The following FUT8 variants were observed in gnomAD, a reference collection of about 807,000 sequenced individuals.
FUT8 encodes alpha-(1,6)-fucosyltransferase.
A neutral mutation model predicts 71.3 loss-of-function variants in FUT8; 29 were observed. That is an observed-to-expected ratio of 0.41 (90% CI 0.30 to 0.55). The LOEUF (loss-of-function observed/expected upper bound fraction) is 0.55, where lower values mean the gene tolerates loss of function less well. Ranked by LOEUF, FUT8 falls within the 20% of genes least tolerant of loss-of-function variation. FUT8 has a pLI of 0.34. For synonymous variants in FUT8, 254 were observed against 239.3 expected (o/e 1.06, Z -0.57); for missense variants, 544 against 702.1 (o/e 0.77, Z 2.55).
chr14:65,537,438 A>G (rs1182672118), intron 2 of FUT8, among the ~76,000 whole-genome samples: 1 of 152,040 alleles, frequency 6.6e-6, no homozygotes, highest in Admixed American at 6.6e-5. Context: ...CCCAGGATGG[A>G]GTGCAGTGGC....
chr14:65,681,754 C>G (rs1893047983), intron 7 of FUT8, among the ~76,000 whole-genome samples: 1 of 152,094 alleles, frequency 6.6e-6, no homozygotes, highest in Non-Finnish European at 1.5e-5. Context: ...ATTTAGTGAA[C>G]CATACTACGT....
chr14:65,582,649 C>A (rs1218801251), intron 3 of FUT8, among the ~76,000 whole-genome samples: 1 of 152,176 alleles, frequency 6.6e-6, no homozygotes, highest in East Asian at 1.9e-4. Context: ...CCATGGCCTG[C>A]TCCTGTCATT....
At chr14:65,582,395 T>C (rs369902191) in intron 3 of FUT8, among the ~76,000 whole-genome samples, 1 of 152,226 alleles carries the variant, frequency 6.6e-6, no homozygotes, top group East Asian at 1.9e-4. Context: ...ATGTTTACTC[T>C]TAATACTTTC....
intron 2 of FUT8, among the ~76,000 whole-genome samples, chr14:65,479,340 T>C (rs538725934): frequency 6.6e-6 from 1 of 152,358 alleles, no homozygotes; most frequent in South Asian, 2.1e-4. Flanking sequence ...TTTTAGGTTG[T>C]TGATTCATAG....
At chr14:65,633,030 C>T (rs933533916) in intron 6 of FUT8, among the ~76,000 whole-genome samples, 15 of 146,348 alleles carry the variant, frequency 1.0e-4, no homozygotes, top group African/African-American at 3.5e-4. Flanking sequence ...CCCAGGGTCT[C>T]CCTCTCCCTC....
At chr14:65,429,559 C>G in intron 1 of FUT8, among the ~76,000 whole-genome samples, 1 of 152,126 alleles carries the variant, frequency 6.6e-6, no homozygotes, top group South Asian at 2.1e-4. Flanking sequence ...ATATTATAAA[C>G]ATTATATTAA....
At chr14:65,481,586 G>C (rs2066331396) in intron 2 of FUT8, among the ~76,000 whole-genome samples, 1 of 151,720 alleles carries the variant, frequency 6.6e-6, no homozygotes, top group Admixed American at 6.6e-5. Flanking sequence ...ATTTCTTCTT[G>C]CCCCCTTGTA....
intron 3 of FUT8, among the ~76,000 whole-genome samples, chr14:65,580,577 G>A (rs1048624473): frequency 1.3e-5 from 2 of 151,868 alleles, no homozygotes; most frequent in Admixed American, 6.6e-5. Flanking sequence ...CCAGCAAGTT[G>A]GTTGATCACT....
In FUT8 at chr14:65,611,274, CACACACACACACACACACACACACA is replaced by C. The variant is rs1566851406; in HGVS notation, c.204-4703_204-4679del. The stretch of plus-strand genomic sequence containing the variant: ...ACACACACACACACACACACACACA[CACACACACACACACACACACACACA>C]CACCCCCCAAGTAATAGCCTTGATT... On this transcript the variant is annotated intron_variant, in intron 3 of 10. Coordinates refer to ENST00000673929, the MANE Select transcript of FUT8 (RefSeq NM_001371533.1). Among the ~76,000 whole-genome samples the C allele has an allele frequency of 2.4e-4, 14 of 59,116 alleles. 2 individuals are homozygous for C. Among genetic ancestry groups the C allele is most frequent in the African/African-American group, 8.5e-4 (10 of 11,788 alleles). The allele number at this position is 59,116 out of a possible 152,430, so 38.8% of individuals were successfully genotyped here. A position where few individuals can be genotyped will look rare whatever the true frequency, so the allele number is the denominator to read the frequency against.
intron 1 of FUT8, among the ~76,000 whole-genome samples, chr14:65,415,178 G>A (rs1347489382): frequency 1.3e-5 from 2 of 152,282 alleles, no homozygotes; most frequent in East Asian, 3.9e-4. Flanking sequence ...ACATTGGTCT[G>A]GAGGGGGAGC....
At chr14:65,406,538 TTCTC>T (rs2065089688), upstream of FUT8, among the ~76,000 whole-genome samples, 1 of 152,170 alleles carries the variant, frequency 6.6e-6, no homozygotes, top group African/African-American at 2.4e-5. Flanking sequence ...CTCTCTCTCT[TTCTC>T]TCTTTCTTTC....
the FUT8 span, among the ~76,000 whole-genome samples, chr14:65,366,452 T>C: frequency 6.6e-6 from 1 of 152,112 alleles, no homozygotes; most frequent in East Asian, 1.9e-4. Context: ...TGTTTGCTTG[T>C]TTTTTGGCGG....
At chr14:65,411,786 G>T (rs2065127567), upstream of FUT8, 1 of 332,798 alleles carries the variant, frequency 3.0e-6, no homozygotes, top group Admixed American at 4.4e-5. Context: ...CTCATCTTCC[G>T]GCCCTCTGAT....
At chr14:65,721,649 G>A in intron 7 of FUT8, 126 bp from the exon 8 acceptor site, 1 of 966,414 alleles carries the variant, frequency 1.0e-6, no homozygotes, top group Non-Finnish European at 1.6e-6. Context: ...AACTTCCTTT[G>A]TAAAGTGAAG....
chr14:65,464,258 G>GTTT (rs1566763367), intron 2 of FUT8, among the ~76,000 whole-genome samples: 25 of 80,962 alleles, frequency 3.1e-4, no homozygotes, highest in African/African-American at 1.0e-3. Context: ...CAGTACTTTG[G>GTTT]GTTTTTTTTT....
chr14:65,414,827 A>G (rs930202650), intron 1 of FUT8, among the ~76,000 whole-genome samples: 3 of 152,212 alleles, frequency 2.0e-5, no homozygotes, highest in Admixed American at 1.3e-4. Flanking sequence ...ATCTTTGGTC[A>G]AGTTGTGAGT....
rs1036605481 is a variant in FUT8, at chr14:65,607,990, G to A, written c.204-7988G>A. On this transcript the variant is annotated intron_variant, in intron 3 of 10. Transcript: ENST00000673929. This position sits in a 1 kb window ranked among gnomAD's most constrained non-coding sequence, Gnocchi z 4.1. ...TGAGGCAGGAGAATCACTTGAACCC[G>A]GGAGGCAGAGGTTGCAGTGAGCCGA... Among the ~76,000 whole-genome samples, 1 of 151,106 alleles carries A rather than the reference G, an allele frequency of 6.6e-6. No homozygotes were observed. The highest frequency in any genetic ancestry group is 1.5e-5 in the Non-Finnish European group (1 of 67,720).
intron 7 of FUT8, among the ~76,000 whole-genome samples, chr14:65,685,830 A>T (rs1893261199): frequency 6.6e-6 from 1 of 152,194 alleles, no homozygotes; most frequent in Non-Finnish European, 1.5e-5. Flanking sequence ...AATGTATTAT[A>T]ATTAGCATAT....
Position 65,616,249 on chromosome 14 carries a change from GA to G in FUT8, c.362del (p.Asn121MetfsTer14). On this transcript the variant is annotated frameshift_variant, in exon 5 of 11. Coordinates refer to ENST00000673929, the MANE Select transcript of FUT8 (RefSeq NM_001371533.1). LOFTEE classifies it high-confidence loss of function. ...TCATGAAATCCTGAGGAGGAGGATT[GA>G]AAATGGAGCTAAAGAGCTCTGGTTT... ...KDHEILRRRIENGAKELWFFL... is the reference protein window; with the variant it reads ...KDHEILRRRIXNGAKELWFFL... 6.2e-7 allele frequency: 1 copy of G among 1,611,000 alleles called. No homozygotes were observed. Among genetic ancestry groups the G allele is most frequent in the African/African-American group, 1.3e-5 (1 of 74,786 alleles).
Sources: allele counts gnomAD v4.1 joint callset (sites outside exome capture counted in the v4.1 genomes callset), GRCh38; gene constraint gnomAD v4.1.1; non-coding constraint Gnocchi (gnomAD v3.1); transcripts MANE v1.5; gene names NCBI Gene and HGNC (gene_info 2026-07-23, HGNC 2026-07-21).